The following SNTG1 variants were observed in gnomAD, a reference collection of about 807,000 sequenced individuals.
SNTG1 encodes syntrophin gamma 1, also known as gamma-1-syntrophin.
In SNTG1, 39 loss-of-function variants were observed where a neutral mutation model predicts 74.7. The ratio of observed to expected loss-of-function variants is 0.52; its 90% CI spans 0.40 to 0.68. SNTG1 has a LOEUF of 0.68. Ranked by LOEUF, SNTG1 falls within the 30% of genes least tolerant of loss-of-function variation. The pLI is 0.00. For missense variants in SNTG1, 685 were observed against 609.5 expected, an observed-to-expected ratio of 1.12 and a Z score of -1.30; for synonymous variants, 254 against 217.1, an observed-to-expected ratio of 1.17 and a Z score of -1.49.
intron 11 of SNTG1, among the ~76,000 whole-genome samples, chr8:50,540,714 A>G (rs776576394): frequency 2.2e-4 from 33 of 152,128 alleles, no homozygotes; most frequent in South Asian, 1.4e-3. Context: ...AATTCCTGTT[A>G]TATGATGCTT....
At chr8:50,405,870 C>A (rs905680175) in intron 4 of SNTG1, among the ~76,000 whole-genome samples, 1 of 152,082 alleles carries the variant, frequency 6.6e-6, no homozygotes, top group Non-Finnish European at 1.5e-5. Flanking sequence ...ATATCCAGTT[C>A]AAAATCATGT....
intron 2 of SNTG1, among the ~76,000 whole-genome samples, chr8:50,208,908 G>C (rs1368152712): frequency 6.6e-6 from 1 of 152,172 alleles, no homozygotes. Flanking sequence ...CGGACAGTGG[G>C]TTCAGCCCAC....
At chr8:50,275,021 G>A (rs1473871251) in intron 2 of SNTG1, among the ~76,000 whole-genome samples, 1 of 152,034 alleles carries the variant, frequency 6.6e-6, no homozygotes, top group Non-Finnish European at 1.5e-5. Flanking sequence ...TTATGCTGCA[G>A]TTTTCCTTTT....
At chr8:50,294,986 T>C (rs932236638) in intron 2 of SNTG1, among the ~76,000 whole-genome samples, 2 of 152,126 alleles carry the variant, frequency 1.3e-5, no homozygotes, top group Admixed American at 6.6e-5. Flanking sequence ...AGTCAACAGA[T>C]ACAGGCTGAA....
At chr8:50,368,419 G>A (rs977827961) in intron 2 of SNTG1, among the ~76,000 whole-genome samples, 4 of 152,166 alleles carry the variant, frequency 2.6e-5, no homozygotes, top group African/African-American at 4.8e-5. Context: ...CCAGGACAAG[G>A]AGATTTAGAA....
At chr8:50,254,739 A>G (rs1463623927) in intron 2 of SNTG1, among the ~76,000 whole-genome samples, 1 of 151,852 alleles carries the variant, frequency 6.6e-6, no homozygotes, top group Admixed American at 6.6e-5. Context: ...CCAGCTACTC[A>G]GGAGGCTGAG....
chr8:50,247,733 A>C (rs1339336419), intron 2 of SNTG1, among the ~76,000 whole-genome samples: 1 of 151,558 alleles, frequency 6.6e-6, no homozygotes, highest in East Asian at 1.9e-4. Context: ...CACGTTGCCC[A>C]GACTGGTCTT....
At chr8:50,653,482 C>A (rs981190873) in intron 13 of SNTG1, among the ~76,000 whole-genome samples, 1 of 152,094 alleles carries the variant, frequency 6.6e-6, no homozygotes, top group Non-Finnish European at 1.5e-5. Context: ...TATTTACCTG[C>A]TATATAACTA....
At chr8:50,666,559 T>G (rs2095251786) in intron 15 of SNTG1, among the ~76,000 whole-genome samples, 1 of 152,146 alleles carries the variant, frequency 6.6e-6, no homozygotes, top group Admixed American at 6.6e-5. Flanking sequence ...TTGCAAATGT[T>G]CTTTAAATCT....
chr8:50,676,630 G>A (rs1054167241), intron 15 of SNTG1, among the ~76,000 whole-genome samples: 7 of 151,704 alleles, frequency 4.6e-5, no homozygotes, highest in Non-Finnish European at 1.0e-4. Context: ...CTTATCTAGT[G>A]ACACCTATTT....
intron 1 of SNTG1, among the ~76,000 whole-genome samples, chr8:50,065,267 C>T (rs900342808): frequency 1.3e-5 from 2 of 152,114 alleles, no homozygotes; most frequent in Non-Finnish European, 1.5e-5. Context: ...ATGTCTTTCA[C>T]TAATGCCTGG....
At chr8:50,243,597 C>G (rs1351654539) in intron 2 of SNTG1, among the ~76,000 whole-genome samples, 2 of 152,158 alleles carry the variant, frequency 1.3e-5, no homozygotes, top group Non-Finnish European at 2.9e-5. Flanking sequence ...ACAGAACTCA[C>G]TAGTTTTAAC....
chr8:50,755,070 G>T (rs188414874), intron 18 of SNTG1, among the ~76,000 whole-genome samples: 2 of 151,786 alleles, frequency 1.3e-5, no homozygotes. Flanking sequence ...CCACCAGAGG[G>T]GGGGATGAAG....
intron 2 of SNTG1, among the ~76,000 whole-genome samples, chr8:50,361,934 A>C (rs2091970507): frequency 6.6e-6 from 1 of 152,194 alleles, no homozygotes; most frequent in Non-Finnish European, 1.5e-5. Context: ...ACAAAAGATT[A>C]AAAATGGCAC....
At chr8:50,789,962 C>T (rs1485508778) in intron 18 of SNTG1, among the ~76,000 whole-genome samples, 2 of 151,960 alleles carry the variant, frequency 1.3e-5, no homozygotes, top group South Asian at 2.1e-4. Flanking sequence ...TCTGACTCTC[C>T]TGGAATGTCC....
At chr8:50,254,706 C>A (rs180671491) in intron 2 of SNTG1, among the ~76,000 whole-genome samples, 2 of 151,910 alleles carry the variant, frequency 1.3e-5, no homozygotes, top group Admixed American at 6.5e-5. Context: ...ATTAGCCGGG[C>A]GTGGTGATGC....
At chr8:50,083,505 CAGAA>C (rs1822597296) in intron 1 of SNTG1, among the ~76,000 whole-genome samples, 1 of 152,088 alleles carries the variant, frequency 6.6e-6, no homozygotes, top group African/African-American at 2.4e-5. Flanking sequence ...TCTAGTAAAA[CAGAA>C]AGCAACTGGA....
At chr8:50,077,167 A>C (rs986431181) in intron 1 of SNTG1, among the ~76,000 whole-genome samples, 1 of 152,348 alleles carries the variant, frequency 6.6e-6, no homozygotes, top group Admixed American at 6.5e-5. Flanking sequence ...CAAAGTAGTT[A>C]GATACAGAAA....
chr8:50,246,300 G>T (rs569006387), intron 2 of SNTG1, among the ~76,000 whole-genome samples: 13 of 151,978 alleles, frequency 8.6e-5, no homozygotes, highest in African/African-American at 2.9e-4. Flanking sequence ...ATCAAAAAGT[G>T]TGTGGAAAAA....
Sources: allele counts gnomAD v4.1 joint callset (sites outside exome capture counted in the v4.1 genomes callset), GRCh38; gene constraint gnomAD v4.1.1; transcripts MANE v1.5; gene names NCBI Gene and HGNC (gene_info 2026-07-23, HGNC 2026-07-21).